ADGRL3: variants seen among roughly 807,000 people sequenced by gnomAD.
ADGRL3 encodes the protein calcium-independent alpha-latrotoxin receptor 3.
ADGRL3 carries 62 observed loss-of-function variants against 153.5 expected under a neutral mutation model. That is an observed-to-expected ratio of 0.40 (90% CI 0.33 to 0.50). The LOEUF (loss-of-function observed/expected upper bound fraction) is 0.50, where lower values mean the gene tolerates loss of function less well. Among genes scored for constraint, ADGRL3 ranks in the 20% least tolerant of loss-of-function variants. The pLI is 0.47. For synonymous variants in ADGRL3, 710 were observed against 672.5 expected (o/e 1.06, Z -0.86); for missense variants, 1,641 against 1,859.4 (o/e 0.88, Z 2.16).
At chr4:61,461,172 C>G (rs1214279500) in intron 2 of ADGRL3, among the ~76,000 whole-genome samples, 1 of 152,110 alleles carries the variant, frequency 6.6e-6, no homozygotes, top group African/African-American at 2.4e-5. Context: ...TTATCTCCCA[C>G]TGGGTCCCTC....
chr4:61,334,410 T>C (rs2095635667), intron 1 of ADGRL3, among the ~76,000 whole-genome samples: 1 of 152,162 alleles, frequency 6.6e-6, no homozygotes, highest in African/African-American at 2.4e-5. Flanking sequence ...GAGATATTAG[T>C]TACTTTCAAC....
At chr4:61,547,618 C>A (rs1579458031) in intron 4 of ADGRL3, among the ~76,000 whole-genome samples, 2 of 152,036 alleles carry the variant, frequency 1.3e-5, no homozygotes, top group South Asian at 4.1e-4. Context: ...GCATAGTTTT[C>A]CATGGTGTAT....
At chr4:61,914,258 A>T (rs2098735109) in intron 13 of ADGRL3, among the ~76,000 whole-genome samples, 1 of 152,106 alleles carries the variant, frequency 6.6e-6, no homozygotes, top group Admixed American at 6.6e-5. Context: ...AGTTGGCCAA[A>T]CGTGTCTATT....
At chr4:61,929,614 A>G (rs1385183133) in intron 13 of ADGRL3, among the ~76,000 whole-genome samples, 1 of 152,156 alleles carries the variant, frequency 6.6e-6, no homozygotes, top group African/African-American at 2.4e-5. Context: ...GAGTTAGGGA[A>G]CACTGCTTTT....
chr4:61,869,960 A>AAAAAAG (rs1554051477), intron 9 of ADGRL3, among the ~76,000 whole-genome samples: 1 of 101,884 alleles, frequency 9.8e-6, no homozygotes. Context: ...AAAAAAAAAA[A>AAAAAAG]AGAGAGAGAG....
At chr4:61,954,055 A>G (rs1292958888) in intron 17 of ADGRL3, among the ~76,000 whole-genome samples, 1 of 151,620 alleles carries the variant, frequency 6.6e-6, no homozygotes, top group Non-Finnish European at 1.5e-5. Flanking sequence ...TCATCTCATG[A>G]CTCTCACATA....
chr4:61,875,574 A>G (rs981047468), intron 9 of ADGRL3, among the ~76,000 whole-genome samples: 1 of 152,216 alleles, frequency 6.6e-6, no homozygotes, highest in African/African-American at 2.4e-5. Flanking sequence ...CTTAATTTCT[A>G]CATAGTGTTG....
chr4:61,560,537 T>A (rs777872843), intron 4 of ADGRL3, among the ~76,000 whole-genome samples: 1 of 152,128 alleles, frequency 6.6e-6, no homozygotes, highest in Non-Finnish European at 1.5e-5. Flanking sequence ...GCACCTGTAG[T>A]AACTATGGGG....
chr4:61,529,693 G>C (rs1188429430), intron 4 of ADGRL3, among the ~76,000 whole-genome samples: 2 of 151,822 alleles, frequency 1.3e-5, no homozygotes, highest in Non-Finnish European at 2.9e-5. Context: ...CTATTCATAA[G>C]ACTTCTATTC....
At chr4:61,229,328 C>G (rs1749469737) in intron 1 of ADGRL3, among the ~76,000 whole-genome samples, 1 of 152,120 alleles carries the variant, frequency 6.6e-6, no homozygotes, top group Non-Finnish European at 1.5e-5. Context: ...GTATAGATAG[C>G]AACTGTTTGA....
chr4:61,579,620 G>A (rs2098914931), intron 4 of ADGRL3: 2 of 513,386 alleles, frequency 3.9e-6, no homozygotes, highest in African/African-American at 3.9e-5. Context: ...AGCTCCGTAA[G>A]TCAAAAGAAT....
intron 25 of ADGRL3, among the ~76,000 whole-genome samples, chr4:62,067,458 G>A (rs193025403): frequency 1.3e-5 from 2 of 152,032 alleles, no homozygotes; most frequent in East Asian, 1.9e-4. Flanking sequence ...TGTTGGTTGC[G>A]TTTTTCCCCT....
chr4:61,996,638 A>G (rs953433697), intron 20 of ADGRL3, among the ~76,000 whole-genome samples: 1 of 152,190 alleles, frequency 6.6e-6, no homozygotes, highest in Non-Finnish European at 1.5e-5. Flanking sequence ...GGTTTTATAG[A>G]TATTTGAACA....
intron 3 of ADGRL3, among the ~76,000 whole-genome samples, chr4:61,504,350 TA>T (rs901818722): frequency 6.6e-6 from 1 of 151,832 alleles, no homozygotes; most frequent in East Asian, 1.9e-4. Context: ...AGAATTTTTT[TA>T]AAAAAATAAT....
At position 62,073,329 on chromosome 4, in the gene ADGRL3, T is replaced by A. The variant is rs187451589; in HGVS notation, c.*2421T>A. 1 of 152,270 alleles carries A rather than the reference T, an allele frequency of 6.6e-6. No homozygotes were observed. Among genetic ancestry groups the A allele is most frequent in the Non-Finnish European group, 1.5e-5 (1 of 68,002 alleles). The allele number at this position is 152,270 out of a possible 1,614,324, so 9.4% of individuals were successfully genotyped here. A position where few individuals can be genotyped will look rare whatever the true frequency, so the allele number is the denominator to read the frequency against. On this transcript the variant is annotated 3_prime_UTR_variant, in exon 27 of 27. Transcript: ENST00000683033. ...ATGAATATTTTTTAAGTCTACAGAT[T>A]TTATGTTAGAGGAGAATCACAAGCG...
At chr4:61,448,305 A>G (rs570053600) in intron 2 of ADGRL3, among the ~76,000 whole-genome samples, 13 of 152,300 alleles carry the variant, frequency 8.5e-5, no homozygotes, top group African/African-American at 3.1e-4. Context: ...AAGCTTAAAA[A>G]TAACCAGGAA....
chr4:61,781,281 G>A (rs531315123), intron 8 of ADGRL3, among the ~76,000 whole-genome samples: 93 of 146,958 alleles, frequency 6.3e-4, no homozygotes, highest in African/African-American at 2.4e-3. Context: ...AGCCGAGATC[G>A]TGCCATTGCA....
intron 5 of ADGRL3, among the ~76,000 whole-genome samples, chr4:61,636,875 T>G (rs577915748): frequency 1.3e-5 from 2 of 151,828 alleles, no homozygotes; most frequent in East Asian, 3.9e-4. Flanking sequence ...TAAGGAAAAA[T>G]AATAACAATA....
intron 17 of ADGRL3, among the ~76,000 whole-genome samples, chr4:61,960,016 G>GGAAAA (rs2098981892): frequency 6.6e-6 from 1 of 152,050 alleles, no homozygotes; most frequent in East Asian, 1.9e-4. Context: ...CTTGCATGTT[G>GGAAAA]AGTACCTCAA....
Sources: gnomAD v4.1 joint callset for allele counts (sites outside exome capture counted in the v4.1 genomes callset) on GRCh38, gnomAD v4.1.1 for gene constraint, MANE v1.5 for transcripts, NCBI Gene and HGNC (gene_info 2026-07-23, HGNC 2026-07-21) for gene names.